Variants in LMO7 observed in about 807,000 individuals in gnomAD.
LMO7 encodes the protein LIM domain 7.
A neutral mutation model predicts 206.5 loss-of-function variants in LMO7; 120 were observed. The observed-to-expected ratio is 0.58, with a 90% CI of 0.50 to 0.68. The LOEUF (loss-of-function observed/expected upper bound fraction) is 0.68. Among genes scored for constraint, LMO7 ranks in the 30% least tolerant of loss-of-function variants. LMO7 has a pLI of 0.00. For missense variants in LMO7, 1,959 were observed against 1,957.9 expected (o/e 1.00, Z -0.01); for synonymous variants, 706 against 681.5 (o/e 1.04, Z -0.56).
At chr13:75,758,297 T>C (rs1463034638) in intron 3 of LMO7, among the ~76,000 whole-genome samples, 1 of 152,226 alleles carries the variant, frequency 6.6e-6, no homozygotes, top group East Asian at 1.9e-4. Flanking sequence ...TTAACTGTCA[T>C]GAAAATTTTA....
At chr13:75,836,296 A>G (rs1052340925) in intron 18 of LMO7, 101 bp from the exon 19 acceptor site, 6 of 669,300 alleles carry the variant, frequency 9.0e-6, no homozygotes, top group African/African-American at 5.8e-5. Context: ...ATCCCGAGAA[A>G]CTCATCTTGT....
chr13:75,782,135 G>A (rs2051580132), intron 4 of LMO7, among the ~76,000 whole-genome samples: 1 of 152,114 alleles, frequency 6.6e-6, no homozygotes, highest in Admixed American at 6.5e-5. Context: ...AGTTTAATTA[G>A]ATCCCATTTG....
At position 75,713,240 on chromosome 13, in the gene LMO7, T is replaced by C. The variant is rs1186591016; in HGVS notation, c.128T>C (p.Val43Ala). 2 of 1,609,054 alleles carry C rather than the reference T, an allele frequency of 1.2e-6. No individual in the cohort carries two copies. Among genetic ancestry groups the C allele is most frequent in the African/African-American group, 1.3e-5 (1 of 74,818 alleles). ...TTTCGAGCCTCTCTAGAAAATGGTG[T>C]TCTGCTGTGTGAGTAAGTATTTAAA... ...KDFRASLENG[V>A]LLCDLINKLK... The change falls in exon 2 of 31, where the codon GTT (valine) becomes GCT (alanine). Residue 43 changes from valine to alanine, a missense_variant. By Grantham distance (64) the Val-to-Ala change is moderately conservative. Transcript: ENST00000377534.
At chr13:75,828,200 A>G (rs2058313889) in intron 15 of LMO7, among the ~76,000 whole-genome samples, 2 of 152,354 alleles carry the variant, frequency 1.3e-5, no homozygotes, top group East Asian at 1.9e-4. Flanking sequence ...ATTACTGGGC[A>G]TCAGTCATGT....
intron 15 of LMO7, among the ~76,000 whole-genome samples, chr13:75,830,703 A>G (rs2138811784): frequency 1.3e-5 from 2 of 152,322 alleles, no homozygotes; most frequent in Middle Eastern, 6.8e-3. Flanking sequence ...AGGTAAGTAC[A>G]GTCCTTCATG....
At chr13:75,772,515 T>A (rs923429631) in intron 4 of LMO7, among the ~76,000 whole-genome samples, 1 of 152,100 alleles carries the variant, frequency 6.6e-6, no homozygotes, top group African/African-American at 2.4e-5. Flanking sequence ...TGACTGAGTT[T>A]ACAGGTATGG....
chr13:75,769,653 GGGGTTCTTGT>G (rs1195807465), intron 4 of LMO7, among the ~76,000 whole-genome samples: 21 of 152,204 alleles, frequency 1.4e-4, no homozygotes, highest in Non-Finnish European at 1.2e-4. Flanking sequence ...AGGAAAAAGT[GGGGTTCTTGT>G]GGGCTTGGGA....
intron 4 of LMO7, among the ~76,000 whole-genome samples, chr13:75,783,497 A>G (rs1428437606): frequency 6.6e-6 from 1 of 151,916 alleles, no homozygotes; most frequent in Non-Finnish European, 1.5e-5. Context: ...TAATTTTTGT[A>G]TTTTTGGAAG....
intron 3 of LMO7, among the ~76,000 whole-genome samples, chr13:75,754,974 G>A (rs2047561042): frequency 6.6e-6 from 1 of 152,200 alleles, no homozygotes. Flanking sequence ...AATATTGGGT[G>A]GAGGTGGAAT....
At chr13:75,670,492 G>C (rs776037355) in intron 1 of LMO7, among the ~76,000 whole-genome samples, 5 of 152,156 alleles carry the variant, frequency 3.3e-5, no homozygotes, top group Non-Finnish European at 7.3e-5. Flanking sequence ...ATTGCTCCTA[G>C]GCTACAAACC....
At chr13:75,827,086 G>A (rs2058185015) in intron 15 of LMO7, among the ~76,000 whole-genome samples, 1 of 152,084 alleles carries the variant, frequency 6.6e-6, no homozygotes. Context: ...TTCACTCACT[G>A]AACTCTTCCT....
chr13:75,817,323 C>T (rs1243091019), intron 12 of LMO7, 45 bp downstream of exon 12: 1 of 1,221,842 alleles, frequency 8.2e-7, no homozygotes, highest in Non-Finnish European at 1.2e-6. Flanking sequence ...ATTTGTCTAA[C>T]TTTTCTTTGC....
chr13:75,654,232 G>A (rs1377432424), intron 1 of LMO7, among the ~76,000 whole-genome samples: 1 of 152,194 alleles, frequency 6.6e-6, no homozygotes, highest in Non-Finnish European at 1.5e-5. Context: ...GCAACAGTAG[G>A]AAGACATCTT....
In LMO7 at chr13:75,680,051, C is replaced by T. The variant is rs2040342624; in HGVS notation, c.70-33131C>T. 2.6e-5 allele frequency among the ~76,000 whole-genome samples: 4 copies of T among 152,204 alleles called. No homozygotes were observed. The South Asian group carries it at 6.2e-4, about 24-fold the overall frequency. The stretch of plus-strand genomic sequence containing the variant: ...AGCATGCGTTAACTATTTTTCCTGA[C>T]GATCTCCCTCCCACAGGCCCCAGTA... On this transcript the variant is annotated intron_variant, in intron 1 of 30. Transcript: ENST00000377534.
At position 75,805,673 on chromosome 13, in the gene LMO7, C is replaced by T. The variant is rs907049746; in HGVS notation, c.1109C>T (p.Pro370Leu). Residue 370 changes from proline (P) to leucine (L), a missense_variant, in exon 9 of 31, where the codon CCC (proline) becomes CTC (leucine). Coordinates refer to ENST00000377534, the MANE Select transcript of LMO7 (RefSeq NM_001306080.2). ...GGGAATGCTTTTGATCAGTTTCTTC[C>T]CAAATGTTGGACCCCAGAAGATGTG... Reference protein sequence around the residue: ...NPGNAFDQFLPKCWTPEDVNW... With the variant: ...NPGNAFDQFLLKCWTPEDVNW... The T allele has an allele frequency of 6.2e-7, 1 of 1,613,968 alleles. No homozygotes were observed. Among genetic ancestry groups the T allele is most frequent in the Non-Finnish European group, 8.5e-7 (1 of 1,179,870 alleles).
chr13:75,794,884 AG>A (rs772764116), intron 4 of LMO7, among the ~76,000 whole-genome samples: 2 of 152,098 alleles, frequency 1.3e-5, no homozygotes, highest in African/African-American at 2.4e-5. Context: ...GCAGGGTCAA[AG>A]TCTCTGAGCA....
chr13:75,737,235 C>A (rs1421086559), intron 3 of LMO7, among the ~76,000 whole-genome samples: 1 of 152,076 alleles, frequency 6.6e-6, no homozygotes, highest in Non-Finnish European at 1.5e-5. Context: ...AGTGATGCAT[C>A]TACAAGCCAG....
intron 4 of LMO7, among the ~76,000 whole-genome samples, chr13:75,782,412 C>G (rs1330311955): frequency 1.3e-5 from 2 of 152,164 alleles, no homozygotes; most frequent in African/African-American, 4.8e-5. Context: ...ATTGCTTAAT[C>G]TCATTAAGCT....
chr13:75,696,442 T>C (rs774079291), intron 1 of LMO7, among the ~76,000 whole-genome samples: 2 of 152,184 alleles, frequency 1.3e-5, no homozygotes, highest in Non-Finnish European at 2.9e-5. Context: ...AATTGTTTCA[T>C]ATAAGGAAAT....
Sources: allele counts gnomAD v4.1 joint callset (sites outside exome capture counted in the v4.1 genomes callset), GRCh38; gene constraint gnomAD v4.1.1; transcripts MANE v1.5; gene names NCBI Gene and HGNC (gene_info 2026-07-23, HGNC 2026-07-21).